The following CCDC170 variants were observed in gnomAD, a reference collection of about 807,000 sequenced individuals.
The protein encoded by CCDC170 is coiled-coil domain containing 170.
In CCDC170, 69 loss-of-function variants were observed where a neutral mutation model predicts 72.6. That is an observed-to-expected ratio of 0.95 (90% CI 0.78 to 1.16). The LOEUF is 1.16. Ranked by LOEUF, CCDC170 falls within the 50% of genes most tolerant of loss-of-function variation. The pLI is 0.00. For missense variants in CCDC170, 852 were observed against 832.5 expected (o/e 1.02, Z -0.29); for synonymous variants, 300 against 303.9 (o/e 0.99, Z 0.13).
At position 151,580,965 on chromosome 6, in the gene CCDC170, A is replaced by G. The variant is rs984591044; in HGVS notation, c.1093-4924A>G. On this transcript the variant is annotated intron_variant, in intron 6 of 10. Coordinates refer to ENST00000239374, the MANE Select transcript of CCDC170 (RefSeq NM_025059.4). ...TGTGCAATAACCCTATATCTAAAAA[A>G]CAATATAGATACTTTAATTAAAAAT... Among the ~76,000 whole-genome samples the G allele has an allele frequency of 2.6e-5, 4 of 152,194 alleles. 1 individual carries two copies. Among genetic ancestry groups the G allele is most frequent in the African/African-American group, 9.7e-5 (4 of 41,444 alleles).
At chr6:151,509,297 G>C (rs955217667) in intron 1 of CCDC170, among the ~76,000 whole-genome samples, 6 of 151,528 alleles carry the variant, frequency 4.0e-5, no homozygotes, top group Admixed American at 3.9e-4. Flanking sequence ...TCATCTCGTT[G>C]TCAACAGGGA....
chr6:151,514,295 T>C (rs77625345), intron 1 of CCDC170, among the ~76,000 whole-genome samples: 10,835 of 130,640 alleles, frequency 0.083, 665 homozygotes, highest in East Asian at 0.22. Context: ...AGTGAAATCC[T>C]GGAAAGAAAG....
At chr6:151,607,702 CT>C (rs758394693) in intron 9 of CCDC170, among the ~76,000 whole-genome samples, 6 of 152,208 alleles carry the variant, frequency 3.9e-5, no homozygotes, top group Admixed American at 3.3e-4. Flanking sequence ...GAGAAATCCA[CT>C]GTTAATCTGA....
At chr6:151,552,197 G>A (rs1484645183) in intron 5 of CCDC170, among the ~76,000 whole-genome samples, 1 of 152,090 alleles carries the variant, frequency 6.6e-6, no homozygotes, top group Non-Finnish European at 1.5e-5. Context: ...AAGGCTTTTG[G>A]CAAGAATATT....
In CCDC170 at chr6:151,534,683, C is replaced by T. The variant is rs565891023; in HGVS notation, c.58-1635C>T. Among the ~76,000 whole-genome samples, 77 of 152,328 alleles carry T rather than the reference C, an allele frequency of 5.1e-4. 1 individual carries two copies. Among genetic ancestry groups the T allele is most frequent in the African/African-American group, 1.8e-3 (74 of 41,570 alleles). ...TCTTGGTTGTGCTATGATTGGCAAA[C>T]AGTAGCTATTACTAAGAGCTCCGAA... On this transcript the variant is annotated intron_variant, in intron 1 of 10. Coordinates refer to ENST00000239374, the MANE Select transcript of CCDC170 (RefSeq NM_025059.4).
rs1253043570 is a variant in CCDC170, at chr6:151,612,685, A to T, written c.1711-2758A>T. On this transcript the variant is annotated intron_variant, in intron 9 of 10. Transcript: ENST00000239374. ...TCCTGACAATCTCCCCCTTTACCCA[A>T]ATTCTACCCTAGAAGCAATTAGATA... Among the ~76,000 whole-genome samples the T allele has an allele frequency of 2.6e-5, 4 of 152,196 alleles. No individual in the cohort carries two copies. The South Asian group carries it at 8.3e-4, about 32-fold the overall frequency.
Position 151,615,610 on chromosome 6 carries a change from A to G in CCDC170, c.1878A>G (p.Ile626Met). The G allele has an allele frequency of 6.2e-7, 1 of 1,614,174 alleles. No individual in the cohort carries two copies. Among genetic ancestry groups the G allele is most frequent in the Non-Finnish European group, 8.5e-7 (1 of 1,180,008 alleles). Residue 626 changes from isoleucine (I) to methionine (M), a missense_variant, in exon 10 of 11, where the codon ATA (isoleucine) becomes ATG (methionine). Coordinates refer to ENST00000239374, the MANE Select transcript of CCDC170 (RefSeq NM_025059.4). ...ATAAAGAAAGGGCCAGAAACATGAT[A>G]GAAGTGGTAACCAGTGAAATGAAGA... ...KENKERARNM[I>M]EVVTSEMKTL... is the part of the protein sequence containing the mutation.
chr6:151,504,160 G>T lies in CCDC170; in HGVS notation c.57+9975G>T, dbSNP rs975647126. 2.6e-5 allele frequency among the ~76,000 whole-genome samples: 4 copies of T among 152,268 alleles called. No homozygotes were observed. The East Asian group carries it at 7.7e-4, about 29-fold the overall frequency. On this transcript the variant is annotated intron_variant, in intron 1 of 10. Transcript: ENST00000239374. Reference sequence around the variant, plus strand: ...GTGCAAATTGCTCACAAATGATTCAGCAATCATATTGTAATATACGCATAG... The same window carrying T: ...GTGCAAATTGCTCACAAATGATTCATCAATCATATTGTAATATACGCATAG...
intron 1 of CCDC170, among the ~76,000 whole-genome samples, chr6:151,508,961 G>A (rs1474936507): frequency 2.0e-5 from 3 of 151,502 alleles, no homozygotes; most frequent in Non-Finnish European, 4.4e-5. Flanking sequence ...GTTGTGGTGG[G>A]GCGAGATCAT....
intron 1 of CCDC170, among the ~76,000 whole-genome samples, chr6:151,526,133 TTCCC>T (rs1347572357): frequency 1.3e-5 from 2 of 150,450 alleles, no homozygotes; most frequent in East Asian, 2.0e-4. Flanking sequence ...CCTTCCTTCC[TTCCC>T]TCCCTCCCTC....
At chr6:151,548,806 G>A (rs933917424) in intron 5 of CCDC170, among the ~76,000 whole-genome samples, 2 of 151,604 alleles carry the variant, frequency 1.3e-5, no homozygotes, top group African/African-American at 4.8e-5. Context: ...TGCAACTTCC[G>A]CCTCCCTGGT....
intron 5 of CCDC170, among the ~76,000 whole-genome samples, chr6:151,558,835 T>C (rs1237340263): frequency 6.6e-6 from 1 of 152,130 alleles, no homozygotes; most frequent in Non-Finnish European, 1.5e-5. Context: ...TATGATGCCT[T>C]CAGCTTTGTT....
intron 6 of CCDC170, among the ~76,000 whole-genome samples, chr6:151,578,748 C>G (rs1434939246): frequency 6.6e-6 from 1 of 152,164 alleles, no homozygotes; most frequent in Non-Finnish European, 1.5e-5. Flanking sequence ...TTGGTCGACA[C>G]TTTCTAGTAC....
intron 5 of CCDC170, among the ~76,000 whole-genome samples, chr6:151,559,012 C>CTT (rs201171602): frequency 0.5 from 63,175 of 125,502 alleles, 17,414 homozygotes; most frequent in Non-Finnish European, 0.6. Context: ...ATTAATTTAT[C>CTT]TTTTTTTTTT....
intron 5 of CCDC170, among the ~76,000 whole-genome samples, chr6:151,563,251 G>A (rs77280510): frequency 0.019 from 2,818 of 152,312 alleles, 96 homozygotes; most frequent in African/African-American, 0.064. Context: ...CCAAGTATGT[G>A]TTCACTGGCC....
chr6:151,557,885 G>T (rs1583025627), intron 5 of CCDC170, among the ~76,000 whole-genome samples: 2 of 152,290 alleles, frequency 1.3e-5, no homozygotes, highest in South Asian at 4.1e-4. Flanking sequence ...GATCACCTGA[G>T]GTCAGGAGTT....
At chr6:151,593,963 G>T (rs899223227) in intron 8 of CCDC170, among the ~76,000 whole-genome samples, 1 of 152,122 alleles carries the variant, frequency 6.6e-6, no homozygotes, top group African/African-American at 2.4e-5. Context: ...GAGGAGAACT[G>T]GGGGGACATT....
At chr6:151,501,266 A>G (rs1054753320) in intron 1 of CCDC170, among the ~76,000 whole-genome samples, 1 of 152,096 alleles carries the variant, frequency 6.6e-6, no homozygotes, top group Non-Finnish European at 1.5e-5. Context: ...ATTTGGGGAG[A>G]CTAAGGAAAA....
rs374437372 is a variant in CCDC170 at position 151,556,117 on chromosome 6, A to G, written c.774+7628A>G. On this transcript the variant is annotated intron_variant, in intron 5 of 10. Coordinates refer to ENST00000239374, the MANE Select transcript of CCDC170 (RefSeq NM_025059.4). Reference sequence around the variant, plus strand: ...GAAAAGCTGTTTATAAGACTCCTACAAAATGACTTATTCTCTTTTTTAGTT... The same window carrying G: ...GAAAAGCTGTTTATAAGACTCCTACGAAATGACTTATTCTCTTTTTTAGTT... Among the ~76,000 whole-genome samples the G allele has an allele frequency of 3.3e-5, 5 of 152,238 alleles. No homozygotes were observed. The East Asian group carries it at 9.6e-4, about 29-fold the overall frequency.
Sources: gnomAD v4.1 joint callset for allele counts (sites outside exome capture counted in the v4.1 genomes callset) on GRCh38, gnomAD v4.1.1 for gene constraint, MANE v1.5 for transcripts, NCBI Gene and HGNC (gene_info 2026-07-23, HGNC 2026-07-21) for gene names.